CFAP58: variants seen among roughly 807,000 people sequenced by gnomAD.
The protein encoded by CFAP58 is cilia- and flagella-associated protein 58.
In CFAP58, 88 loss-of-function variants were observed where a neutral mutation model predicts 119.5. That is an observed-to-expected ratio of 0.74 (90% CI 0.62 to 0.88). The LOEUF is 0.88. Among genes scored for constraint, CFAP58 ranks in the 40% least tolerant of loss-of-function variants. CFAP58 has a pLI of 0.00. For synonymous variants in CFAP58, 365 were observed against 366.3 expected (o/e 1.00, Z 0.04); for missense variants, 990 against 1,021.2 (o/e 0.97, Z 0.42).
At chr10:104,384,598 C>A (rs1009612537) in intron 9 of CFAP58, among the ~76,000 whole-genome samples, 1 of 152,110 alleles carries the variant, frequency 6.6e-6, no homozygotes, top group African/African-American at 2.4e-5. Context: ...TTTGAAATAG[C>A]CTTTTTGTGG....
In CFAP58 at chr10:104,414,439, CAGAGCCCA is replaced by C. The variant is rs2012512170; in HGVS notation, c.2256+7650_2256+7657del. On this transcript the variant is annotated intron_variant, in intron 15 of 17. Transcript: ENST00000369704. The stretch of plus-strand genomic sequence containing the variant: ...TTGTTGTGATTCCTTGATAGATGTG[CAGAGCCCA>C]AGAATCAAAAGGGAAAGAGGGAGGG... 2.6e-5 allele frequency among the ~76,000 whole-genome samples: 4 copies of C among 152,140 alleles called. No individual in the cohort carries two copies. The South Asian group carries it at 6.2e-4, about 24-fold the overall frequency.
At chr10:104,438,374 G>GTTTTTTTTTTTTGTTTTTTTTTTTTT (rs2012976880) in intron 15 of CFAP58, among the ~76,000 whole-genome samples, 1 of 51,250 alleles carries the variant, frequency 2.0e-5, no homozygotes, top group African/African-American at 8.7e-5. Context: ...TTTTTTTTTT[G>GTTTTTTTTTTTTGTTTTTTTTTTTTT]TTTTTTTTTT....
chr10:104,436,017 A>C (rs2012927684), intron 15 of CFAP58, among the ~76,000 whole-genome samples: 1 of 152,116 alleles, frequency 6.6e-6, no homozygotes, highest in Admixed American at 6.5e-5. Context: ...TGTTCCAGGC[A>C]GTCACTGATC....
At chr10:104,339,719 T>C in the CFAP58 span, among the ~76,000 whole-genome samples, 1 of 152,212 alleles carries the variant, frequency 6.6e-6, no homozygotes, top group South Asian at 2.1e-4. Context: ...TACTTTTGTT[T>C]TCAAGTTTCT....
intron 15 of CFAP58, among the ~76,000 whole-genome samples, chr10:104,425,346 G>A (rs2012726739): frequency 6.6e-6 from 1 of 152,166 alleles, no homozygotes; most frequent in African/African-American, 2.4e-5. Flanking sequence ...TGGTTGAGTA[G>A]CAGGAAGATA....
intron 7 of CFAP58, among the ~76,000 whole-genome samples, chr10:104,373,051 T>C (rs973656719): frequency 6.6e-6 from 1 of 152,062 alleles, no homozygotes; most frequent in African/African-American, 2.4e-5. Context: ...GGTTATAAAA[T>C]AAATATGTAG....
chr10:104,355,146 T>C (rs1375982622), intron 1 of CFAP58, among the ~76,000 whole-genome samples: 1 of 152,204 alleles, frequency 6.6e-6, no homozygotes, highest in African/African-American at 2.4e-5. Flanking sequence ...CCATTACCCA[T>C]AGTCATTTGT....
intron 14 of CFAP58, 150 bp downstream of exon 14, chr10:104,403,990 G>A: frequency 2.1e-6 from 1 of 478,050 alleles, no homozygotes; most frequent in Middle Eastern, 3.1e-4. Flanking sequence ...GATGTAAATT[G>A]AGTTTTCTCA....
At chr10:104,392,147 C>T in intron 9 of CFAP58, 86 bp from the exon 10 acceptor site, 1 of 1,184,102 alleles carries the variant, frequency 8.4e-7, no homozygotes, top group South Asian at 1.4e-5. Context: ...CTACCAGCCA[C>T]CCTTAGATAA....
At chr10:104,449,937 C>T in intron 16 of CFAP58, 134 bp from the exon 17 acceptor site, 1 of 817,678 alleles carries the variant, frequency 1.2e-6, no homozygotes. Context: ...CTGGTGGAAG[C>T]ATGCAGATTA....
At chr10:104,442,307 C>T (rs1443539694) in intron 15 of CFAP58, among the ~76,000 whole-genome samples, 3 of 152,042 alleles carry the variant, frequency 2.0e-5, no homozygotes, top group African/African-American at 2.4e-5. Flanking sequence ...ATTATGCTTA[C>T]GGCTGGGTGC....
the CFAP58 span, among the ~76,000 whole-genome samples, chr10:104,347,854 G>A: frequency 6.6e-6 from 1 of 152,040 alleles, no homozygotes; most frequent in African/African-American, 2.4e-5. Context: ...CGGCCACCAA[G>A]GAAGAAGCTC....
chr10:104,392,638 A>G (rs1209394411), intron 10 of CFAP58, among the ~76,000 whole-genome samples: 1 of 130,660 alleles, frequency 7.7e-6, no homozygotes, highest in Non-Finnish European at 1.6e-5. Flanking sequence ...TCGTCTTTCT[A>G]CTTTTTTTTT....
intron 15 of CFAP58, among the ~76,000 whole-genome samples, chr10:104,423,238 A>C (rs139059718): frequency 9.5e-4 from 144 of 152,336 alleles, no homozygotes; most frequent in African/African-American, 3.3e-3. Context: ...GCATTTGGAA[A>C]CATGATCCAC....
chr10:104,357,946 CACATATATACACAT>C (rs2014598864), intron 1 of CFAP58, among the ~76,000 whole-genome samples: 3 of 77,852 alleles, frequency 3.9e-5, no homozygotes, highest in Non-Finnish European at 8.1e-5. Flanking sequence ...CATATATGTA[CACATATATACACAT>C]ATATGTACAC....
chr10:104,351,920 A>C (rs2014464615), upstream of CFAP58: 1 of 152,224 alleles, frequency 6.6e-6, no homozygotes, highest in South Asian at 2.1e-4. Context: ...CAGGCTTCTC[A>C]AAGATATCTG....
At chr10:104,359,914 T>C (rs1211415655) in intron 2 of CFAP58, among the ~76,000 whole-genome samples, 1 of 152,256 alleles carries the variant, frequency 6.6e-6, no homozygotes, top group East Asian at 1.9e-4. Flanking sequence ...AAAACTTCTG[T>C]AATCATTTTT....
At chr10:104,347,196 G>A in the CFAP58 span, among the ~76,000 whole-genome samples, 3,137 of 152,058 alleles carry the variant, frequency 0.021, 70 homozygotes, top group Admixed American at 0.03. Context: ...ATGCTTACCC[G>A]CTGTGGCTGC....
intron 15 of CFAP58, among the ~76,000 whole-genome samples, chr10:104,425,764 G>A (rs924443018): frequency 4.6e-5 from 7 of 152,104 alleles, no homozygotes; most frequent in African/African-American, 1.7e-4. Context: ...CATTCTGCAG[G>A]ACATTAGCCG....
Sources: gnomAD v4.1 joint callset for allele counts (sites outside exome capture counted in the v4.1 genomes callset) on GRCh38, gnomAD v4.1.1 for gene constraint, MANE v1.5 for transcripts, NCBI Gene and HGNC (gene_info 2026-07-23, HGNC 2026-07-21) for gene names.